CRYL1: variants seen among roughly 807,000 people sequenced by gnomAD.
The protein encoded by CRYL1 is lambda-crystallin homolog.
CRYL1 carries 29 observed loss-of-function variants against 36.6 expected under a neutral mutation model. The observed-to-expected ratio is 0.79, with a 90% confidence interval of 0.59 to 1.08. CRYL1 has a LOEUF of 1.08. CRYL1 is among the 50% of genes least tolerant of loss of function. The pLI is 0.00. For synonymous variants in CRYL1, 152 were observed against 151.5 expected, an observed-to-expected ratio of 1.00 and a Z score of -0.02; for missense variants, 411 against 407.9, an observed-to-expected ratio of 1.01 and a Z score of -0.06.
chr13:20,497,638 C>T (rs535315607), intron 2 of CRYL1, among the ~76,000 whole-genome samples: 19 of 150,600 alleles, frequency 1.3e-4, no homozygotes, highest in African/African-American at 4.6e-4. Context: ...CACACAACTA[C>T]ACCACCACAT....
At chr13:20,437,587 A>T (rs2032259028) in intron 4 of CRYL1, among the ~76,000 whole-genome samples, 1 of 152,128 alleles carries the variant, frequency 6.6e-6, no homozygotes, top group Admixed American at 6.5e-5. Context: ...ATTAATTTTT[A>T]AAATAGGGTC....
At chr13:20,524,351 A>C (rs1351351270) in intron 1 of CRYL1, among the ~76,000 whole-genome samples, 1 of 152,158 alleles carries the variant, frequency 6.6e-6, no homozygotes, top group Non-Finnish European at 1.5e-5. Context: ...AATGCAAGAC[A>C]GAGGTAACTA....
Position 20,504,302 on chromosome 13 carries a change from C to CTT in CRYL1, c.149+8139_149+8140dup, listed in dbSNP as rs757657892. On this transcript the variant is annotated intron_variant, in intron 2 of 7. Transcript: ENST00000298248. Reference sequence around the variant, plus strand: ...TTTCTTTTTTCTTTTCTTTTCTTTTCTTTTTTTTTTTTTTTTTTTGAGACA... The same window carrying CTT: ...TTTCTTTTTTCTTTTCTTTTCTTTTCTTTTTTTTTTTTTTTTTTTTTGAGACA... Among the ~76,000 whole-genome samples, 764 of 128,460 alleles carry CTT rather than the reference C, an allele frequency of 5.9e-3. 15 individuals are homozygous for CTT. Among genetic ancestry groups the CTT allele is most frequent in the African/African-American group, 0.02 (650 of 33,250 alleles). The allele number at this position is 128,460 out of a possible 152,430, so 84.3% of individuals were successfully genotyped here. A position where few individuals can be genotyped will look rare whatever the true frequency, so the allele number is the denominator to read the frequency against.
At chr13:20,424,393 C>T (rs2031888303) in intron 5 of CRYL1, among the ~76,000 whole-genome samples, 1 of 152,168 alleles carries the variant, frequency 6.6e-6, no homozygotes, top group Non-Finnish European at 1.5e-5. Flanking sequence ...CTTCAGCAAA[C>T]CTCCCAGGGA....
Position 20,432,211 on chromosome 13 carries a change from A to AG in CRYL1, c.523dup (p.Leu175ProfsTer44), listed in dbSNP as rs1042567134. ...GGGGCACTGTCCAATCTTCTTCATC[A>AG]GGGCGTGGGTTCTGTCCACTGTCGT... On this transcript the variant is annotated frameshift_variant, in exon 5 of 8. Transcript: ENST00000298248. LOFTEE classifies it high-confidence loss of function. The AG allele has an allele frequency of 1.4e-5, 23 of 1,613,696 alleles. No individual in the cohort carries two copies. The highest frequency in any genetic ancestry group is 1.7e-5 in the Non-Finnish European group (20 of 1,179,962).
chr13:20,432,218 G>A lies in CRYL1; in HGVS notation c.517C>T (p.His173Tyr). 6.2e-7 allele frequency: 1 copy of A among 1,614,000 alleles called. No homozygotes were observed. The highest frequency in any genetic ancestry group is 1.1e-5 in the South Asian group (1 of 91,072). Residue 173 changes from histidine (H) to tyrosine (Y), a missense_variant, in exon 5 of 8, where the codon CAC (histidine) becomes TAC (tyrosine). Transcript: ENST00000298248. ...TGTCCAATCTTCTTCATCAGGGCGT[G>A]GGTTCTGTCCACTGTCGTAGGGGCC... ...ETAPTTVDRT[H>Y]ALMKKIGQCP...
intron 2 of CRYL1, among the ~76,000 whole-genome samples, chr13:20,489,714 G>C (rs898554315): frequency 6.6e-6 from 1 of 152,132 alleles, no homozygotes; most frequent in Non-Finnish European, 1.5e-5. Context: ...ACTGTAAAAT[G>C]GTGCAACCGC....
At chr13:20,520,479 C>T (rs1057191632) in intron 1 of CRYL1, among the ~76,000 whole-genome samples, 1 of 152,184 alleles carries the variant, frequency 6.6e-6, no homozygotes, top group African/African-American at 2.4e-5. Context: ...AAACAGGCAG[C>T]AAATCCTTGG....
chr13:20,471,250 T>G (rs2033052879), intron 3 of CRYL1, among the ~76,000 whole-genome samples: 1 of 152,078 alleles, frequency 6.6e-6, no homozygotes, highest in South Asian at 2.1e-4. Flanking sequence ...TGATGACAAC[T>G]GTGTACTAAA....
intron 3 of CRYL1, among the ~76,000 whole-genome samples, chr13:20,471,897 A>C (rs2033070632): frequency 6.7e-6 from 1 of 148,840 alleles, no homozygotes; most frequent in Admixed American, 6.8e-5. Context: ...CTTGTTGCCC[A>C]GGCTGGAATC....
chr13:20,495,849 G>C (rs1168206565), intron 2 of CRYL1, among the ~76,000 whole-genome samples: 1 of 152,250 alleles, frequency 6.6e-6, no homozygotes, highest in Non-Finnish European at 1.5e-5. Flanking sequence ...CCAGGCTGGA[G>C]TGCAGTGGCG....
intron 2 of CRYL1, among the ~76,000 whole-genome samples, chr13:20,497,465 TAC>T (rs2033630608): frequency 3.0e-4 from 1 of 3,340 alleles, no homozygotes; most frequent in African/African-American, 8.8e-4. Flanking sequence ...ATATACACAC[TAC>T]ACACACACCA....
At chr13:20,517,938 G>GA (rs67225103) in intron 1 of CRYL1, among the ~76,000 whole-genome samples, 27,754 of 115,982 alleles carry the variant, frequency 0.24, 4,395 homozygotes, top group East Asian at 0.42. Context: ...TCTGTCTCAA[G>GA]AAAAAAAAAA....
chr13:20,445,328 G>A (rs1192897651), intron 3 of CRYL1, among the ~76,000 whole-genome samples: 1 of 152,202 alleles, frequency 6.6e-6, no homozygotes, highest in Non-Finnish European at 1.5e-5. Flanking sequence ...AGTGCTGGGG[G>A]AAATGTTGGC....
At chr13:20,433,751 A>G (rs2032132172) in intron 4 of CRYL1, 1 of 154,404 alleles carries the variant, frequency 6.5e-6, no homozygotes, top group Non-Finnish European at 1.5e-5. Flanking sequence ...GGGGTCTTTC[A>G]AACATTGTAA....
intron 3 of CRYL1, among the ~76,000 whole-genome samples, chr13:20,450,687 T>C (rs896057383): frequency 6.6e-6 from 1 of 152,102 alleles, no homozygotes; most frequent in South Asian, 2.1e-4. Context: ...GAAATACCAT[T>C]TGACCCAGCC....
At chr13:20,465,766 T>A (rs1189858489) in intron 3 of CRYL1, among the ~76,000 whole-genome samples, 1 of 152,172 alleles carries the variant, frequency 6.6e-6, no homozygotes, top group South Asian at 2.1e-4. Flanking sequence ...GACATGCTCC[T>A]AATGTTTGGA....
At chr13:20,418,030 C>T (rs1260177003) in intron 5 of CRYL1, among the ~76,000 whole-genome samples, 1 of 152,106 alleles carries the variant, frequency 6.6e-6, no homozygotes, top group Non-Finnish European at 1.5e-5. Context: ...GAGGGCAGGC[C>T]GGCAACTCCA....
chr13:20,415,970 C>G lies in CRYL1; in HGVS notation c.634-2583G>C, dbSNP rs1593429599. On this transcript the variant is annotated intron_variant, in intron 5 of 7. Transcript: ENST00000298248. The surrounding 1 kb of genome is among the most constrained non-coding windows in gnomAD (Gnocchi z 4.1). ...CCACCCTGCGGCCATGAGCCTTTGG[C>G]TAGTCTGGGGCTCCTGTGAGCAGGG... 1.3e-5 allele frequency among the ~76,000 whole-genome samples: 2 copies of G among 152,344 alleles called. No homozygotes were observed. The highest frequency in any genetic ancestry group is 6.8e-3 in the Middle Eastern group (2 of 294).
Sources: gnomAD v4.1 joint callset for allele counts (sites outside exome capture counted in the v4.1 genomes callset) on GRCh38, gnomAD v4.1.1 for gene constraint, Gnocchi (gnomAD v3.1) non-coding constraint, MANE v1.5 for transcripts, NCBI Gene and HGNC (gene_info 2026-07-23, HGNC 2026-07-21) for gene names.